The following MGLL variants were observed in gnomAD, a reference collection of about 807,000 sequenced individuals.
MGLL encodes the protein lysophospholipase homolog.
Under a neutral mutation model 29.1 loss-of-function variants are expected in MGLL, and 7 were observed. That is an observed-to-expected ratio of 0.24 (90% CI 0.14 to 0.45). The LOEUF (loss-of-function observed/expected upper bound fraction) is 0.45, where lower values mean the gene tolerates loss of function less well. Among genes scored for constraint, MGLL ranks in the 20% least tolerant of loss-of-function variants. The probability of loss-of-function intolerance (pLI) is 0.99; values close to 1 mark genes in which losing one functional copy is unlikely to be tolerated. For missense variants in MGLL, 356 were observed against 413.6 expected, an observed-to-expected ratio of 0.86 and a Z score of 1.21; for synonymous variants, 148 against 168.3, an observed-to-expected ratio of 0.88 and a Z score of 0.93.
At chr3:127,750,071 A>T (rs1377014241) in intron 3 of MGLL, among the ~76,000 whole-genome samples, 5 of 151,966 alleles carry the variant, frequency 3.3e-5, no homozygotes. Flanking sequence ...GGGAGGTGGG[A>T]GACACAGGTG....
intron 2 of MGLL, among the ~76,000 whole-genome samples, chr3:127,790,621 C>T (rs1377749532): frequency 2.0e-5 from 3 of 152,244 alleles, no homozygotes; most frequent in South Asian, 2.1e-4. Context: ...GAACACTAAG[C>T]GTATTTTGTG....
At chr3:127,746,023 A>C (rs1331400256) in intron 3 of MGLL, among the ~76,000 whole-genome samples, 2 of 152,216 alleles carry the variant, frequency 1.3e-5, no homozygotes, top group African/African-American at 4.8e-5. Context: ...GAATAGAATG[A>C]GTGACAGCAG....
Position 127,787,014 on chromosome 3 carries a change from G to A in MGLL, c.156-5119C>T, listed in dbSNP as rs867992621. 6.6e-5 allele frequency among the ~76,000 whole-genome samples: 10 copies of A among 152,302 alleles called. 1 individual carries two copies. In the Middle Eastern group the frequency reaches 0.014, roughly 207 times the overall value. On this transcript the variant is annotated intron_variant, in intron 2 of 7. Transcript: ENST00000265052. ...ACAGGAACACTGCAGCCTCCTCCCCGGGGTTTGGAGGTAAAATGAGACAAT... is the reference window on the plus strand; with the variant it reads ...ACAGGAACACTGCAGCCTCCTCCCCAGGGTTTGGAGGTAAAATGAGACAAT...
intron 3 of MGLL, among the ~76,000 whole-genome samples, chr3:127,738,679 G>A (rs988291387): frequency 2.0e-5 from 3 of 152,210 alleles, no homozygotes; most frequent in Non-Finnish European, 4.4e-5. Context: ...CCAGCATGGG[G>A]GAGAAGGCCA....
At chr3:127,742,482 C>T (rs527731200) in intron 3 of MGLL, among the ~76,000 whole-genome samples, 1 of 148,546 alleles carries the variant, frequency 6.7e-6, no homozygotes, top group South Asian at 2.1e-4. Flanking sequence ...CCCAGATAGT[C>T]AGGAGGCTGA....
chr3:127,782,193 G>A (rs939173241), intron 2 of MGLL, among the ~76,000 whole-genome samples: 1 of 152,154 alleles, frequency 6.6e-6, no homozygotes, highest in East Asian at 1.9e-4. Flanking sequence ...CTGTACTCCA[G>A]CCTGGGTGAC....
At chr3:127,813,123 T>G (rs571406808) in intron 2 of MGLL, among the ~76,000 whole-genome samples, 2 of 152,312 alleles carry the variant, frequency 1.3e-5, no homozygotes, top group South Asian at 4.1e-4. Flanking sequence ...CCAGAGGCTG[T>G]ATGTGGCCGC....
chr3:127,778,811 G>A (rs1283566219), intron 3 of MGLL, among the ~76,000 whole-genome samples: 1 of 147,216 alleles, frequency 6.8e-6, no homozygotes, highest in Non-Finnish European at 1.5e-5. Flanking sequence ...GGGTACAATG[G>A]TGTGATCATG....
intron 3 of MGLL, among the ~76,000 whole-genome samples, chr3:127,732,638 G>A (rs1032772587): frequency 6.6e-6 from 1 of 152,200 alleles, no homozygotes. Flanking sequence ...ATCTGGTTCC[G>A]TGTCAGGCAG....
chr3:127,722,925 G>A (rs949778789), intron 3 of MGLL, among the ~76,000 whole-genome samples: 6 of 152,334 alleles, frequency 3.9e-5, no homozygotes, highest in East Asian at 1.9e-4. Flanking sequence ...GGAGTAAGAC[G>A]AAGAAGGCTC....
intron 6 of MGLL, among the ~76,000 whole-genome samples, chr3:127,702,479 C>T (rs888791471): frequency 1.3e-5 from 2 of 152,198 alleles, no homozygotes; most frequent in Non-Finnish European, 2.9e-5. Context: ...GGCTGAAATT[C>T]CTGAACCAGA....
chr3:127,812,271 C>T (rs1312280990), intron 2 of MGLL, among the ~76,000 whole-genome samples: 1 of 152,188 alleles, frequency 6.6e-6, no homozygotes, highest in Non-Finnish European at 1.5e-5. Context: ...CTGCATTCCA[C>T]ATAAAAGAAA....
At chr3:127,787,006 T>C (rs150851317) in intron 2 of MGLL, among the ~76,000 whole-genome samples, 3 of 152,268 alleles carry the variant, frequency 2.0e-5, no homozygotes, top group African/African-American at 7.2e-5. Flanking sequence ...CACTGCAGCC[T>C]CCTCCCCGGG....
intron 2 of MGLL, among the ~76,000 whole-genome samples, chr3:127,800,825 G>A (rs2077464836): frequency 6.6e-6 from 1 of 152,210 alleles, no homozygotes; most frequent in African/African-American, 2.4e-5. Context: ...TTCACCCCCT[G>A]AGGTGTCTAA....
At chr3:127,706,269 A>G (rs1559911201) in intron 6 of MGLL, among the ~76,000 whole-genome samples, 1 of 152,112 alleles carries the variant, frequency 6.6e-6, no homozygotes. Context: ...AGGCCCTACT[A>G]TGTGCATGTC....
chr3:127,697,055 T>C (rs1316507231), intron 6 of MGLL, among the ~76,000 whole-genome samples: 1 of 152,174 alleles, frequency 6.6e-6, no homozygotes, highest in African/African-American at 2.4e-5. Context: ...TTTGTGTAAA[T>C]CCACACGAGA....
At chr3:127,727,719 A>C (rs1486380377) in intron 3 of MGLL, among the ~76,000 whole-genome samples, 2 of 151,690 alleles carry the variant, frequency 1.3e-5, no homozygotes, top group Non-Finnish European at 2.9e-5. Context: ...AAAAAAAAAA[A>C]AAAAAAAAAA....
At chr3:127,698,658 C>T (rs1028330716) in intron 6 of MGLL, among the ~76,000 whole-genome samples, 2 of 152,142 alleles carry the variant, frequency 1.3e-5, no homozygotes, top group Admixed American at 1.3e-4. Flanking sequence ...ATGGAGCCAT[C>T]TGTGACTTGA....
At chr3:127,722,342 G>T (rs753497957) in intron 4 of MGLL, 88 bp downstream of exon 4, 5 of 1,555,604 alleles carry the variant, frequency 3.2e-6, no homozygotes, top group Non-Finnish European at 3.5e-6. Context: ...AGAGAGCAGT[G>T]GGGGGCAGGA....
Sources: allele counts gnomAD v4.1 joint callset (sites outside exome capture counted in the v4.1 genomes callset), GRCh38; gene constraint gnomAD v4.1.1; transcripts MANE v1.5; gene names NCBI Gene and HGNC (gene_info 2026-07-23, HGNC 2026-07-21).